The following HERC2 variants were observed in gnomAD, a reference collection of about 807,000 sequenced individuals.
HERC2 encodes E3 ubiquitin-protein ligase HERC2.
Under a neutral mutation model 537.7 loss-of-function variants are expected in HERC2, and 102 were observed. The ratio of observed to expected loss-of-function variants is 0.19; its 90% CI spans 0.16 to 0.22. HERC2 has a LOEUF of 0.22. HERC2 is among the 10% of genes least tolerant of loss of function. HERC2 has a pLI of 1.00. For synonymous variants in HERC2, 2,224 were observed against 2,466.2 expected, an observed-to-expected ratio of 0.90 and a Z score of 2.91; for missense variants, 4,236 against 6,198.2, an observed-to-expected ratio of 0.68 and a Z score of 10.63.
rs959946714 is a variant in HERC2, at chr15:28,300,047, G to A, written c.73-531C>T. ...AGCCTGAGTGACAAGAGCGAGACTCGGTGTTAAAAAAAAAAAAAAAAGAAA... is the reference window on the plus strand; with the variant it reads ...AGCCTGAGTGACAAGAGCGAGACTCAGTGTTAAAAAAAAAAAAAAAAGAAA... On this transcript the variant is annotated intron_variant, in intron 2 of 92. Coordinates refer to ENST00000261609, the MANE Select transcript of HERC2 (RefSeq NM_004667.6). Among the ~76,000 whole-genome samples the A allele has an allele frequency of 8.3e-4, 88 of 106,484 alleles. 1 individual carries two copies. The highest frequency in any genetic ancestry group is 5.7e-4 in the Non-Finnish European group (24 of 42,140). 69.9% of individuals were successfully genotyped at this position (106,484 alleles called of 152,430 possible).
intron 2 of HERC2, among the ~76,000 whole-genome samples, chr15:28,305,248 G>A (rs1379986047): frequency 4.6e-5 from 7 of 151,534 alleles, no homozygotes; most frequent in African/African-American, 1.7e-4. Context: ...GGATGGCTGG[G>A]TCAAATGGTA....
chr15:28,291,798 G>A (rs141867398), intron 4 of HERC2, among the ~76,000 whole-genome samples: 4,621 of 151,408 alleles, frequency 0.031, 206 homozygotes, highest in African/African-American at 0.11. Flanking sequence ...CCAGCTACTC[G>A]GAAGGCTGAG....
intron 34 of HERC2, 48 bp from the exon 35 acceptor site, chr15:28,228,457 A>C: frequency 6.4e-7 from 1 of 1,566,264 alleles, no homozygotes; most frequent in Non-Finnish European, 8.8e-7. Flanking sequence ...GGATACAAGA[A>C]TAAACGTAAC....
At chr15:28,285,309 T>C (rs2076127242) in intron 4 of HERC2, among the ~76,000 whole-genome samples, 1 of 152,104 alleles carries the variant, frequency 6.6e-6, no homozygotes, top group Non-Finnish European at 1.5e-5. Context: ...AAAACAAACC[T>C]AACAAATTTT....
At chr15:28,221,748 C>T (rs1596268370) in intron 36 of HERC2, among the ~76,000 whole-genome samples, 1 of 150,124 alleles carries the variant, frequency 6.7e-6, no homozygotes, top group African/African-American at 2.5e-5. Context: ...CTCTTGCTCA[C>T]TCTCACACTC....
At chr15:28,152,614 C>T (rs1410050196) in intron 70 of HERC2, 63 bp downstream of exon 70, 6 of 1,382,106 alleles carry the variant, frequency 4.3e-6, no homozygotes, top group African/African-American at 2.9e-5. Context: ...GAAGCAATTA[C>T]AGAATCACAT....
rs905545506 is a variant in HERC2 at position 28,177,179 on chromosome 15, A to T, written c.9255-52T>A. ...ACAGTCAATCTGTCCCTTCTTAGAG[A>T]TGAAGGAAAAAAGACATCTATACTG... On this transcript the variant is annotated intron_variant, in intron 60 of 92. Coordinates refer to ENST00000261609, the MANE Select transcript of HERC2 (RefSeq NM_004667.6). This position sits in a 1 kb window ranked among gnomAD's most constrained non-coding sequence, Gnocchi z 5.0. 1.4e-5 allele frequency: 21 copies of T among 1,551,150 alleles called. No homozygotes were observed. Among genetic ancestry groups the T allele is most frequent in the Non-Finnish European group, 1.8e-5 (21 of 1,142,176 alleles).
chr15:28,287,900 A>C (rs562112936), intron 4 of HERC2, among the ~76,000 whole-genome samples: 223 of 151,628 alleles, frequency 1.5e-3, no homozygotes, highest in Non-Finnish European at 2.9e-3. Context: ...ATTTTTTTGT[A>C]TCTTTAGTAG....
chr15:28,115,518 G>A lies in HERC2; in HGVS notation c.13633C>T (p.Arg4545Ter), dbSNP rs1339991389. The A allele has an allele frequency of 1.2e-6, 2 of 1,613,908 alleles. No homozygotes were observed. The highest frequency in any genetic ancestry group is 1.7e-6 in the Non-Finnish European group (2 of 1,179,934). The change falls in exon 89 of 93, where the codon CGA becomes TGA. Residue 4545 changes from arginine to a stop codon, truncating the protein, a stop_gained. Coordinates refer to ENST00000261609, the MANE Select transcript of HERC2 (RefSeq NM_004667.6). LOFTEE classifies it high-confidence loss of function. The stretch of plus-strand genomic sequence containing the variant: ...TTGAGGCTCAGGGGACTCCCGGTTC[G>A]GATGGCAATGCCCAGCAACACACCT... ...FLGVLLGIAI[R>*]TGSPLSLNLA...
At chr15:28,294,626 C>A (rs1285380596) in intron 3 of HERC2, among the ~76,000 whole-genome samples, 3 of 151,490 alleles carry the variant, frequency 2.0e-5, no homozygotes, top group Non-Finnish European at 2.9e-5. Context: ...GCCTGCTCAT[C>A]CCTGCCGGCC....
chr15:28,287,691 T>G (rs541121951), intron 4 of HERC2, among the ~76,000 whole-genome samples: 2 of 151,248 alleles, frequency 1.3e-5, no homozygotes, highest in East Asian at 3.9e-4. Context: ...ATAATTTTAA[T>G]TATTTACATT....
chr15:28,158,606 C>T (rs1397140834), intron 69 of HERC2, among the ~76,000 whole-genome samples: 2 of 152,116 alleles, frequency 1.3e-5, no homozygotes, highest in East Asian at 1.9e-4. Context: ...TTTCTCCATC[C>T]CTTTATTTTG....
intron 2 of HERC2, among the ~76,000 whole-genome samples, chr15:28,300,214 C>T (rs1348727385): frequency 2.0e-5 from 3 of 151,542 alleles, no homozygotes; most frequent in Non-Finnish European, 4.4e-5. Flanking sequence ...GAAAAAGCAA[C>T]AACATTGTGA....
At position 28,270,785 on chromosome 15, in the gene HERC2, C is replaced by A. The variant is rs778003077; in HGVS notation, c.1167G>T (p.Leu389=). 4 of 1,613,938 alleles carry A rather than the reference C, an allele frequency of 2.5e-6. No homozygotes were observed. Among genetic ancestry groups the A allele is most frequent in the Non-Finnish European group, 2.5e-6 (3 of 1,179,860 alleles). The change falls in exon 10 of 93, where the codon CTG becomes CTT. Residue 389 remains leucine, a synonymous_variant. Transcript: ENST00000261609. ...CCATGACAACAACCGCCGTTTGTCG[C>A]AGATCAATGGCAAGCTCGTTGTCTT... ...LPQDNELAID[L]RQTAVVVMAH... is the part of the protein sequence containing the mutation.
intron 2 of HERC2, among the ~76,000 whole-genome samples, chr15:28,313,502 T>C (rs1311585132): frequency 1.3e-5 from 2 of 152,100 alleles, no homozygotes; most frequent in African/African-American, 2.4e-5. Context: ...TTCAGAACTA[T>C]AGAGTCAGGC....
chr15:28,228,135 A>C lies in HERC2; in HGVS notation c.5464+83T>G, dbSNP rs1485209023. ...CATAATTTACAAAAAGCTTTAAAAA[A>C]AAAAAAAAAGAAAAGAAAAGAAAAG... On this transcript the variant is annotated intron_variant, in intron 35 of 92. Coordinates refer to ENST00000261609, the MANE Select transcript of HERC2 (RefSeq NM_004667.6). 4 of 1,285,262 alleles carry C rather than the reference A, an allele frequency of 3.1e-6. No individual in the cohort carries two copies. The South Asian group carries it at 4.2e-5, about 13-fold the overall frequency. 79.6% of individuals were successfully genotyped at this position (1,285,262 alleles called of 1,614,324 possible).
Position 28,111,852 on chromosome 15 carries a change from C to T in HERC2, c.14416G>A (p.Ala4806Thr), listed in dbSNP as rs1279905117. 1.2e-6 allele frequency: 2 copies of T among 1,614,094 alleles called. No homozygotes were observed. Among genetic ancestry groups the T allele is most frequent in the African/African-American group, 2.7e-5 (2 of 74,932 alleles). The change falls in exon 93 of 93, where the codon GCC becomes ACC. Residue 4806 changes from alanine (A) to threonine (T), a missense_variant. Ala to Thr is a moderately conservative substitution (Grantham distance 58). Coordinates refer to ENST00000261609, the MANE Select transcript of HERC2 (RefSeq NM_004667.6). ...YARIALTGEP[A>T]ADDSSDDSDN... ...GAATCGTCGCTGCTGTCGTCGGCGG[C>T]TGGCTCTCCTGTAAGTGCGATGCGA...
chr15:28,262,776 G>A, intron 15 of HERC2, 142 bp downstream of exon 15: 1 of 840,552 alleles, frequency 1.2e-6, no homozygotes, highest in Non-Finnish European at 1.9e-6. Flanking sequence ...TCTAATGACA[G>A]TCCATTCATG....
At chr15:28,236,633 G>A (rs914380262) in intron 26 of HERC2, among the ~76,000 whole-genome samples, 7 of 151,902 alleles carry the variant, frequency 4.6e-5, no homozygotes, top group Admixed American at 1.3e-4. Context: ...TGTCACCCAG[G>A]CTGGAGTGCA....
Sources: gnomAD v4.1 joint callset for allele counts (sites outside exome capture counted in the v4.1 genomes callset) on GRCh38, gnomAD v4.1.1 for gene constraint, Gnocchi (gnomAD v3.1) non-coding constraint, MANE v1.5 for transcripts, NCBI Gene and HGNC (gene_info 2026-07-23, HGNC 2026-07-21) for gene names.